Variants in RNF25 observed in about 807,000 individuals in gnomAD.
RNF25 encodes the protein ring finger protein 25, also known as E3 ubiquitin-protein ligase RNF25.
In RNF25, 32 loss-of-function variants were observed where a neutral mutation model predicts 65.0. The ratio of observed to expected loss-of-function variants is 0.49; its 90% CI spans 0.37 to 0.66. The LOEUF is 0.66. Ranked by LOEUF, RNF25 falls within the 30% of genes least tolerant of loss-of-function variation. RNF25 has a pLI of 0.00. For synonymous variants in RNF25, 207 were observed against 221.2 expected, an observed-to-expected ratio of 0.94 and a Z score of 0.57; for missense variants, 493 against 584.8, an observed-to-expected ratio of 0.84 and a Z score of 1.62.
chr2:218,669,231 A>T (rs1174414231), intron 1 of RNF25, among the ~76,000 whole-genome samples: 1 of 152,250 alleles, frequency 6.6e-6, no homozygotes, highest in Non-Finnish European at 1.5e-5. Flanking sequence ...TGGAAGAGCC[A>T]GCAGCCTCGG....
In RNF25 at chr2:218,668,290, G is replaced by T; in HGVS notation, c.168C>A (p.Asp56Glu). Residue 56 changes from aspartate (D) to glutamate (E), a missense_variant, in exon 3 of 10, where the codon GAC (aspartate) becomes GAA (glutamate). By Grantham distance (45) the Asp-to-Glu change is conservative (BLOSUM62 2). This residue lies in a region of RNF25 where 108 missense variants were observed against 166.0 expected (regional missense o/e 0.65). Coordinates refer to ENST00000295704, the MANE Select transcript of RNF25 (RefSeq NM_022453.3). ...YITLHPATAE[D>E]QDSQYVCFTL... ...TGAAGCAGACATACTGTGAATCCTG[G>T]TCCTCTGCAGTGGCAGGATGCAAAG... The T allele has an allele frequency of 6.2e-7, 1 of 1,613,858 alleles. No individual in the cohort carries two copies. Among genetic ancestry groups the T allele is most frequent in the African/African-American group, 1.3e-5 (1 of 74,950 alleles).
rs776688189 is a variant in RNF25, at chr2:218,671,910, G to A, written c.41+20C>T. 6.2e-7 allele frequency: 1 copy of A among 1,614,144 alleles called. No homozygotes were observed. The highest frequency in any genetic ancestry group is 1.3e-5 in the African/African-American group (1 of 75,060). ...GACTAGATCCAGGCTGTCAGCCAAA[G>A]CCCATGCCCCCAAAGTTACCAGTCC... On this transcript the variant is annotated intron_variant, in intron 1 of 9. Coordinates refer to ENST00000295704, the MANE Select transcript of RNF25 (RefSeq NM_022453.3).
At chr2:218,668,365 G>A (rs759261430) in intron 2 of RNF25, 24 bp from the exon 3 acceptor site, 10 of 1,539,100 alleles carry the variant, frequency 6.5e-6, no homozygotes, top group African/African-American at 2.7e-5. Context: ...AAGTGGACAC[G>A]CAGATGTGAC....
chr2:218,666,251 T>C (rs746715617), intron 5 of RNF25, 21 bp from the exon 6 acceptor site: 17 of 1,599,828 alleles, frequency 1.1e-5, no homozygotes, highest in Non-Finnish European at 1.5e-5. Flanking sequence ...AAGACACTGA[T>C]TAAACGGGGG....
At chr2:218,666,256 C>A in intron 5 of RNF25, 26 bp from the exon 6 acceptor site, 1 of 1,592,860 alleles carries the variant, frequency 6.3e-7, no homozygotes. Context: ...ACTGATTAAA[C>A]GGGGGTAGGG....
At position 218,664,572 on chromosome 2, in the gene RNF25, A is replaced by T; in HGVS notation, c.802-37T>A. 2 of 1,594,624 alleles carry T rather than the reference A, an allele frequency of 1.3e-6. No individual in the cohort carries two copies. The highest frequency in any genetic ancestry group is 1.7e-6 in the Non-Finnish European group (2 of 1,167,454). Reference sequence around the variant, plus strand: ...TGACAAGATGCAGTGAGGGAGATGCAGTTCCTCAAGGTGGGGAACTACAGG... The same window carrying T: ...TGACAAGATGCAGTGAGGGAGATGCTGTTCCTCAAGGTGGGGAACTACAGG... On this transcript the variant is annotated intron_variant, in intron 9 of 9. Transcript: ENST00000295704. The surrounding 1 kb of genome is among the most constrained non-coding windows in gnomAD (Gnocchi z 5.1).
chr2:218,669,842 A>T (rs1448316855), intron 1 of RNF25, among the ~76,000 whole-genome samples: 2 of 152,164 alleles, frequency 1.3e-5, no homozygotes, highest in Non-Finnish European at 2.9e-5. Flanking sequence ...TCTGGCTGAC[A>T]TGGGAGTGGG....
Position 218,663,978 on chromosome 2 carries a change from C to T in RNF25, c.1359G>A (p.Leu453=). 6.9e-7 allele frequency: 1 copy of T among 1,453,266 alleles called. No homozygotes were observed. The highest frequency in any genetic ancestry group is 9.1e-7 in the Non-Finnish European group (1 of 1,101,178). The allele number at this position is 1,453,266 out of a possible 1,614,324, so 90.0% of individuals were successfully genotyped here. ...CCTGCTAGGAACCATCCTTAGATTC[C>T]AGGCCCAGGGACTCCCTCCGAGTAC... ...RPGTRRESLG[L]ESKDGS Residue 453 remains leucine, a synonymous_variant, in exon 10 of 10, where the codon CTG becomes CTA. Coordinates refer to ENST00000295704, the MANE Select transcript of RNF25 (RefSeq NM_022453.3).
intron 1 of RNF25, among the ~76,000 whole-genome samples, chr2:218,671,153 G>A (rs1223493989): frequency 6.6e-6 from 1 of 152,190 alleles, no homozygotes; most frequent in African/African-American, 2.4e-5. Flanking sequence ...CAGCGTGGGC[G>A]AGAGTGAGAC....
In RNF25 at chr2:218,665,207, A is replaced by T; in HGVS notation, c.614T>A (p.Leu205His). The change falls in exon 8 of 10, where the codon CTC (leucine) becomes CAC (histidine). Residue 205 changes from leucine to histidine, a missense_variant. Transcript: ENST00000295704. ...TTTCAGTGAGGCAAGATCATACACGAGGGGCTCTCTGCACACTGGACACTG... is the reference window on the plus strand; with the variant it reads ...TTTCAGTGAGGCAAGATCATACACGTGGGGCTCTCTGCACACTGGACACTG... ...GVQCPVCREP[L>H]VYDLASLKAA... is the part of the protein sequence containing the mutation. 7 of 1,614,150 alleles carry T rather than the reference A, an allele frequency of 4.3e-6. No individual in the cohort carries two copies. The highest frequency in any genetic ancestry group is 5.9e-6 in the Non-Finnish European group (7 of 1,180,022).
chr2:218,666,317 G>T, intron 5 of RNF25, 87 bp from the exon 6 acceptor site: 3 of 1,131,254 alleles, frequency 2.7e-6, no homozygotes, highest in Non-Finnish European at 3.9e-6. Context: ...TGACTGGCTA[G>T]ACTTGGCTCC....
chr2:218,666,786 T>C (rs1939834132), intron 5 of RNF25, among the ~76,000 whole-genome samples: 1 of 152,242 alleles, frequency 6.6e-6, no homozygotes, highest in Non-Finnish European at 1.5e-5. Context: ...AGGCCTGACC[T>C]AGGACTGCTA....
rs150141479 is a variant in RNF25 at position 218,666,210 on chromosome 2, T to C, written c.378A>G (p.Thr126=). ...ELIEKGKEIL[T]DNNIPHGQCV... ...ACTGGCCATGAGGGATGTTGTTATC[T>C]GTGAGAATTTCCTTCCCTTTCTGAG... is the stretch of plus-strand genomic sequence containing the variant. Residue 126 remains threonine (T), a synonymous_variant, in exon 6 of 10, where the codon ACA becomes ACG. Transcript: ENST00000295704. 7.4e-5 allele frequency: 119 copies of C among 1,613,998 alleles called. 1 individual carries two copies. In the African/African-American group the frequency reaches 1.4e-3, roughly 19 times the overall value.
In RNF25 at chr2:218,666,036, T is replaced by C; in HGVS notation, c.453A>G (p.Thr151=). ...GFQEKEAFTK[T]PCYHYFHCHC... ...GGCAGTGGAAGTAGTGGTAACAGGG[T>C]GTTTTGGTAAAGGCCTCCTTCTCCT... The change falls in exon 7 of 10, where the codon ACA becomes ACG. Residue 151 remains threonine, a synonymous_variant. Transcript: ENST00000295704. The C allele has an allele frequency of 1.2e-6, 2 of 1,613,828 alleles. No individual in the cohort carries two copies. Among genetic ancestry groups the C allele is most frequent in the Non-Finnish European group, 1.7e-6 (2 of 1,179,848 alleles).
intron 1 of RNF25, among the ~76,000 whole-genome samples, chr2:218,671,520 C>G (rs774216628): frequency 7.9e-5 from 12 of 151,954 alleles, no homozygotes; most frequent in Non-Finnish European, 1.6e-4. Flanking sequence ...AAAGCGTCGG[C>G]GGAAAAAGGC....
intron 7 of RNF25, among the ~76,000 whole-genome samples, chr2:218,665,513 G>A (rs1939805171): frequency 6.6e-6 from 1 of 151,986 alleles, no homozygotes; most frequent in Admixed American, 6.6e-5. Context: ...AGGCCGAGGC[G>A]GGCGGGATCA....
In RNF25 at chr2:218,668,181, G is replaced by C. The variant is rs112484473; in HGVS notation, c.220-35C>G. On this transcript the variant is annotated intron_variant, in intron 3 of 9. Coordinates refer to ENST00000295704, the MANE Select transcript of RNF25 (RefSeq NM_022453.3). The stretch of plus-strand genomic sequence containing the variant: ...GCAAATAACAAGTTACTGCTGAAGC[G>C]GTCCACCCCAGGGACTCTCCCCTTC... The C allele has an allele frequency of 5.6e-6, 9 of 1,613,076 alleles. No individual in the cohort carries two copies. In the South Asian group the frequency reaches 9.9e-5, roughly 18 times the overall value.
chr2:218,668,187 C>T, intron 3 of RNF25, 41 bp from the exon 4 acceptor site: 6 of 1,612,296 alleles, frequency 3.7e-6, no homozygotes, highest in African/African-American at 1.3e-5. Flanking sequence ...AAGCGGTCCA[C>T]CCCAGGGACT....
intron 4 of RNF25, 31 bp from the exon 5 acceptor site, chr2:218,668,012 C>G: frequency 6.2e-7 from 1 of 1,613,604 alleles, no homozygotes; most frequent in Non-Finnish European, 8.5e-7. Flanking sequence ...AAATATTAGA[C>G]CTGCCCATTT....
Sources: gnomAD v4.1 joint callset for allele counts (sites outside exome capture counted in the v4.1 genomes callset) on GRCh38, gnomAD v4.1.1 for gene constraint, gnomAD v4.1.1 regional missense constraint, Gnocchi (gnomAD v3.1) non-coding constraint, MANE v1.5 for transcripts, NCBI Gene and HGNC (gene_info 2026-07-23, HGNC 2026-07-21) for gene names.